Variants in HEMK2 observed in about 807,000 individuals in gnomAD.
HEMK2 encodes HemK methyltransferase 2, ETF1 glutamine and histone H4 lysine, also known as methyltransferase HEMK2.
chr21:28,822,579 A>G, the HEMK2 span, among the ~76,000 whole-genome samples: 3 of 151,896 alleles, frequency 2.0e-5, no homozygotes, highest in Admixed American at 2.0e-4. Context: ...ATGCATATAT[A>G]TATATATATA....
chr21:28,831,466 A>AGAAAAGAAT, the HEMK2 span, among the ~76,000 whole-genome samples: 10 of 27,478 alleles, frequency 3.6e-4, 1 homozygote, highest in African/African-American at 6.2e-4. Flanking sequence ...AAAGAACGAA[A>AGAAAAGAAT]GAAAGAAAGA....
chr21:28,606,648 C>CATTT, the HEMK2 span, among the ~76,000 whole-genome samples: 1 of 152,118 alleles, frequency 6.6e-6, no homozygotes, highest in African/African-American at 2.4e-5. Context: ...GTAACAGTTT[C>CATTT]ATTTATTTAT....
chr21:28,768,979 G>A, the HEMK2 span, among the ~76,000 whole-genome samples: 2 of 151,914 alleles, frequency 1.3e-5, no homozygotes, highest in African/African-American at 4.8e-5. Flanking sequence ...GACCTCAGGA[G>A]AGAGCTAACC....
the HEMK2 span, among the ~76,000 whole-genome samples, chr21:28,784,091 C>T: frequency 2.0e-5 from 3 of 152,224 alleles, no homozygotes; most frequent in African/African-American, 7.2e-5. Flanking sequence ...GCGCCATCCC[C>T]CAGCTCCACA....
chr21:28,709,046 T>C, the HEMK2 span, among the ~76,000 whole-genome samples: 1 of 152,160 alleles, frequency 6.6e-6, no homozygotes, highest in Non-Finnish European at 1.5e-5. Context: ...TGTCATCAAC[T>C]TGTTCTATCC....
At chr21:28,699,455 T>C in the HEMK2 span, among the ~76,000 whole-genome samples, 1 of 152,166 alleles carries the variant, frequency 6.6e-6, no homozygotes, top group African/African-American at 2.4e-5. Flanking sequence ...AATTTACAGG[T>C]AAGTTTATCA....
chr21:28,745,607 C>CA, the HEMK2 span, among the ~76,000 whole-genome samples: 1 of 152,188 alleles, frequency 6.6e-6, no homozygotes, highest in African/African-American at 2.4e-5. Flanking sequence ...ACCTCACCAG[C>CA]AGTTCCACTT....
chr21:28,675,438 G>A, the HEMK2 span, among the ~76,000 whole-genome samples: 1 of 152,264 alleles, frequency 6.6e-6, no homozygotes, highest in South Asian at 2.1e-4. Flanking sequence ...TAAGTGTTTT[G>A]AATATCTAAA....
chr21:28,682,184 T>C, the HEMK2 span, among the ~76,000 whole-genome samples: 4 of 150,420 alleles, frequency 2.7e-5, no homozygotes, highest in East Asian at 2.0e-4. Context: ...GAATCTACAA[T>C]GAACTCAAAC....
the HEMK2 span, among the ~76,000 whole-genome samples, chr21:28,791,269 G>A: frequency 5.9e-5 from 9 of 152,152 alleles, no homozygotes; most frequent in Non-Finnish European, 8.8e-5. Flanking sequence ...GAGAATAACA[G>A]ATATGACTCT....
chr21:28,788,110 C>T, the HEMK2 span, among the ~76,000 whole-genome samples: 1 of 145,510 alleles, frequency 6.9e-6, no homozygotes, highest in Admixed American at 6.9e-5. Context: ...CATAGTATTC[C>T]ATCATATATG....
the HEMK2 span, among the ~76,000 whole-genome samples, chr21:28,681,745 C>T: frequency 5.3e-5 from 8 of 150,844 alleles, no homozygotes; most frequent in Non-Finnish European, 7.4e-5. Flanking sequence ...GAAATAATGC[C>T]GCATATTTAC....
chr21:28,725,159 A>T, the HEMK2 span, among the ~76,000 whole-genome samples: 1 of 152,180 alleles, frequency 6.6e-6, no homozygotes, highest in African/African-American at 2.4e-5. Flanking sequence ...ATCCTGATTA[A>T]TAAGTCAATC....
At chr21:28,876,998 AG>A in the HEMK2 span, among the ~76,000 whole-genome samples, 3 of 66,552 alleles carry the variant, frequency 4.5e-5, no homozygotes, top group African/African-American at 7.5e-5. Flanking sequence ...GGAGGGAGGG[AG>A]GGAGGGAGGA....
At chr21:28,777,513 T>A in the HEMK2 span, among the ~76,000 whole-genome samples, 1 of 152,242 alleles carries the variant, frequency 6.6e-6, no homozygotes, top group Admixed American at 6.5e-5. Context: ...AGCCCAAACA[T>A]AATTCACTCT....
the HEMK2 span, among the ~76,000 whole-genome samples, chr21:28,681,598 T>A: frequency 6.6e-6 from 1 of 152,124 alleles, no homozygotes; most frequent in African/African-American, 2.4e-5. Flanking sequence ...GCTAAGTCAA[T>A]CCTAAGCCAA....
At chr21:28,801,726 C>T in the HEMK2 span, among the ~76,000 whole-genome samples, 1 of 152,068 alleles carries the variant, frequency 6.6e-6, no homozygotes, top group Admixed American at 6.5e-5. Context: ...TCATATGAAA[C>T]TAATTGTTAA....
At chr21:28,723,876 T>G in the HEMK2 span, among the ~76,000 whole-genome samples, 2 of 152,218 alleles carry the variant, frequency 1.3e-5, no homozygotes, top group African/African-American at 4.8e-5. Flanking sequence ...ATGGTGTGTC[T>G]TTTTTTCTGA....
chr21:28,885,212 C>G, the HEMK2 span: 1 of 1,575,960 alleles, frequency 6.3e-7, no homozygotes, highest in Non-Finnish European at 8.7e-7. Flanking sequence ...CTCCTCGCAC[C>G]CTGCCAGTTC....
Sources: allele counts gnomAD v4.1 joint callset (sites outside exome capture counted in the v4.1 genomes callset), GRCh38; gene constraint gnomAD v4.1.1; transcripts MANE v1.5; gene names NCBI Gene and HGNC (gene_info 2026-07-23, HGNC 2026-07-21).